Variants in ZNF385B observed in about 807,000 individuals in gnomAD.
ZNF385B encodes zinc finger protein 385B, also known as zinc finger protein 533.
A neutral mutation model predicts 39.2 loss-of-function variants in ZNF385B; 23 were observed. The ratio of observed to expected loss-of-function variants is 0.59; its 90% CI spans 0.42 to 0.83. The LOEUF (loss-of-function observed/expected upper bound fraction) is 0.83. Ranked by LOEUF, ZNF385B falls within the 40% of genes least tolerant of loss-of-function variation. The pLI is 0.00. For missense variants in ZNF385B, 552 were observed against 598.9 expected, an observed-to-expected ratio of 0.92 and a Z score of 0.82; for synonymous variants, 205 against 222.6, an observed-to-expected ratio of 0.92 and a Z score of 0.70.
intron 6 of ZNF385B, among the ~76,000 whole-genome samples, chr2:179,460,410 C>A (rs867629717): frequency 6.6e-6 from 1 of 151,984 alleles, no homozygotes. Flanking sequence ...CTAAAATTGA[C>A]CCTCCCTGCC....
intron 3 of ZNF385B, among the ~76,000 whole-genome samples, chr2:179,611,807 T>A (rs928806836): frequency 6.6e-6 from 1 of 152,236 alleles, no homozygotes; most frequent in Non-Finnish European, 1.5e-5. Context: ...TTCCAATTTA[T>A]CAGCATATAG....
At chr2:179,445,822 A>G in intron 7 of ZNF385B, 94 bp from the exon 8 acceptor site, 2 of 1,196,220 alleles carry the variant, frequency 1.7e-6, no homozygotes. Context: ...TGCAGGCTAA[A>G]ATTCCCAATG....
At chr2:179,614,578 A>C (rs769006283) in intron 3 of ZNF385B, among the ~76,000 whole-genome samples, 2 of 152,246 alleles carry the variant, frequency 1.3e-5, no homozygotes, top group Non-Finnish European at 2.9e-5. Flanking sequence ...TCCAGTATCA[A>C]GGAGGTAAAG....
intron 6 of ZNF385B, among the ~76,000 whole-genome samples, chr2:179,471,424 CCAATAACTTGGATGGCTAAAAA>C (rs2052764482): frequency 6.6e-6 from 1 of 152,134 alleles, no homozygotes; most frequent in South Asian, 2.1e-4. Flanking sequence ...TTCAAGGGAT[CCAATAACTTGGATGGCTAAAAA>C]CACATTTTTA....
chr2:179,672,942 A>T (rs1696233926), intron 3 of ZNF385B, among the ~76,000 whole-genome samples: 1 of 152,212 alleles, frequency 6.6e-6, no homozygotes, highest in African/African-American at 2.4e-5. Flanking sequence ...AGAAGCAAAA[A>T]TCAAGGCTCT....
chr2:179,738,649 T>C (rs934585058), intron 3 of ZNF385B, among the ~76,000 whole-genome samples: 2 of 152,206 alleles, frequency 1.3e-5, no homozygotes, highest in African/African-American at 4.8e-5. Context: ...AGGCTGCACA[T>C]TAGAATCACG....
chr2:179,531,009 T>C (rs1335423669), intron 4 of ZNF385B, among the ~76,000 whole-genome samples: 1 of 151,966 alleles, frequency 6.6e-6, no homozygotes, highest in Non-Finnish European at 1.5e-5. Context: ...AAATCCTAAC[T>C]GGAAACTCAA....
chr2:179,749,657 T>C (rs976334833), intron 3 of ZNF385B, among the ~76,000 whole-genome samples: 6 of 152,104 alleles, frequency 3.9e-5, no homozygotes, highest in African/African-American at 1.4e-4. Flanking sequence ...CCACTGGGCT[T>C]GGCTCACTAC....
intron 1 of ZNF385B, among the ~76,000 whole-genome samples, chr2:179,799,627 G>C (rs180792499): frequency 6.6e-6 from 1 of 151,990 alleles, no homozygotes; most frequent in African/African-American, 2.4e-5. Flanking sequence ...AATGACTTTA[G>C]GCAAGTCATT....
intron 3 of ZNF385B, among the ~76,000 whole-genome samples, chr2:179,606,047 A>AT (rs1688772335): frequency 6.6e-6 from 1 of 152,166 alleles, no homozygotes; most frequent in Admixed American, 6.5e-5. Flanking sequence ...AAATTATTAT[A>AT]TTTTTGTAAT....
intron 3 of ZNF385B, among the ~76,000 whole-genome samples, chr2:179,564,610 C>A (rs1684342202): frequency 6.6e-6 from 1 of 152,084 alleles, no homozygotes. Context: ...TTATTTTTTA[C>A]TATCCCCTTA....
intron 1 of ZNF385B, among the ~76,000 whole-genome samples, chr2:179,793,324 AAG>A (rs150860102): frequency 6.6e-6 from 1 of 152,346 alleles, no homozygotes; most frequent in African/African-American, 2.4e-5. Context: ...GCAAGGTCAC[AAG>A]ACTGTCTGAA....
chr2:179,493,533 A>G (rs2055541317), intron 5 of ZNF385B, among the ~76,000 whole-genome samples: 1 of 151,260 alleles, frequency 6.6e-6, no homozygotes, highest in South Asian at 2.1e-4. Flanking sequence ...GTGTACATAT[A>G]TGCGTATACA....
intron 3 of ZNF385B, among the ~76,000 whole-genome samples, chr2:179,627,353 T>C (rs1690752524): frequency 6.6e-6 from 1 of 152,182 alleles, no homozygotes; most frequent in South Asian, 2.1e-4. Context: ...GAAGGATCAC[T>C]CATTGCAACT....
At chr2:179,812,121 A>G (rs1041772083) in intron 1 of ZNF385B, among the ~76,000 whole-genome samples, 2 of 152,164 alleles carry the variant, frequency 1.3e-5, no homozygotes, top group African/African-American at 4.8e-5. Context: ...AACGGCTATT[A>G]TTAAAAAGTC....
At chr2:179,656,747 GATATACC>G (rs1252981939) in intron 3 of ZNF385B, among the ~76,000 whole-genome samples, 4 of 151,770 alleles carry the variant, frequency 2.6e-5, no homozygotes, top group African/African-American at 9.7e-5. Context: ...TAATACTATA[GATATACC>G]ATATATCTAT....
chr2:179,647,100 A>C (rs1282177983), intron 3 of ZNF385B, among the ~76,000 whole-genome samples: 1 of 152,182 alleles, frequency 6.6e-6, no homozygotes, highest in East Asian at 1.9e-4. Flanking sequence ...CTATATGTGA[A>C]TAGAACACCC....
At chr2:179,450,928 T>A (rs1453743062) in intron 6 of ZNF385B, among the ~76,000 whole-genome samples, 1 of 151,660 alleles carries the variant, frequency 6.6e-6, no homozygotes, top group African/African-American at 2.4e-5. Flanking sequence ...CCATAAAAAG[T>A]GATGAGTTCA....
chr2:179,455,021 G>C (rs1467855056), intron 6 of ZNF385B, among the ~76,000 whole-genome samples: 1 of 152,118 alleles, frequency 6.6e-6, no homozygotes, highest in African/African-American at 2.4e-5. Context: ...TAAGTGTATA[G>C]GAATGTCCTG....
Sources: allele counts gnomAD v4.1 joint callset (sites outside exome capture counted in the v4.1 genomes callset), GRCh38; gene constraint gnomAD v4.1.1; transcripts MANE v1.5; gene names NCBI Gene and HGNC (gene_info 2026-07-23, HGNC 2026-07-21).